The following KIRREL1 variants were observed in gnomAD, a reference collection of about 807,000 sequenced individuals.
KIRREL1 encodes kirre like nephrin family adhesion molecule 1.
In KIRREL1, 25 loss-of-function variants were observed where a neutral mutation model predicts 83.3. The observed-to-expected ratio is 0.30, with a 90% CI of 0.22 to 0.42. The LOEUF is 0.42. Ranked by LOEUF, KIRREL1 falls within the 10% of genes least tolerant of loss-of-function variation. The pLI is 1.00. For missense variants in KIRREL1, 812 were observed against 1,032.3 expected, an observed-to-expected ratio of 0.79 and a Z score of 2.92; for synonymous variants, 388 against 410.4, an observed-to-expected ratio of 0.95 and a Z score of 0.66.
intron 8 of KIRREL1, among the ~76,000 whole-genome samples, chr1:158,089,070 A>T (rs980243294): frequency 6.6e-6 from 1 of 151,952 alleles, no homozygotes; most frequent in African/African-American, 2.4e-5. Context: ...CTGCACAGGG[A>T]GGTGGGGAAG....
At chr1:158,051,086 C>T (rs931986664) in intron 1 of KIRREL1, among the ~76,000 whole-genome samples, 1 of 152,244 alleles carries the variant, frequency 6.6e-6, no homozygotes, top group African/African-American at 2.4e-5. Flanking sequence ...CCTCCTCATA[C>T]TTCAGTGCTG....
intron 1 of KIRREL1, among the ~76,000 whole-genome samples, chr1:158,010,545 T>G (rs1659658695): frequency 6.6e-6 from 1 of 151,360 alleles, no homozygotes; most frequent in Non-Finnish European, 1.5e-5. Context: ...TTGATAAGAG[T>G]TTCTCCCCGA....
chr1:158,050,927 C>T (rs1020445439), intron 1 of KIRREL1, among the ~76,000 whole-genome samples: 14 of 152,238 alleles, frequency 9.2e-5, no homozygotes, highest in African/African-American at 3.4e-4. Flanking sequence ...TCACTATCTA[C>T]ACTTTACCAA....
At chr1:157,999,337 T>C (rs897022623) in intron 1 of KIRREL1, among the ~76,000 whole-genome samples, 3 of 151,962 alleles carry the variant, frequency 2.0e-5, no homozygotes, top group African/African-American at 7.3e-5. Flanking sequence ...ACGTTTAGAG[T>C]CTTTTATCTT....
intron 8 of KIRREL1, among the ~76,000 whole-genome samples, chr1:158,089,284 C>G (rs1662117186): frequency 6.6e-6 from 1 of 152,256 alleles, no homozygotes; most frequent in Non-Finnish European, 1.5e-5. Flanking sequence ...CTGGCCTCCA[C>G]CCCATCCCTG....
chr1:158,055,283 GATTA>G lies in KIRREL1; in HGVS notation c.53-20828_53-20825del, dbSNP rs1661023635. Among the ~76,000 whole-genome samples the G allele has an allele frequency of 5.3e-5, 8 of 152,132 alleles. No individual in the cohort carries two copies. The South Asian group carries it at 1.7e-3, about 32-fold the overall frequency. On this transcript the variant is annotated intron_variant, in intron 1 of 14. Transcript: ENST00000359209. Reference sequence around the variant, plus strand: ...CCTAGAGCCTGACTTTCGCTGTCATGATTAACAGCTGTTTGCATCTTGCCAGCTC... The same window carrying G: ...CCTAGAGCCTGACTTTCGCTGTCATGACAGCTGTTTGCATCTTGCCAGCTC...
intron 4 of KIRREL1, among the ~76,000 whole-genome samples, chr1:158,085,173 C>A (rs1381239675): frequency 1.3e-5 from 2 of 152,156 alleles, no homozygotes; most frequent in Non-Finnish European, 2.9e-5. Context: ...AGTGACTTGC[C>A]CAGGATTACA....
chr1:158,041,330 TG>T (rs966673996), intron 1 of KIRREL1, among the ~76,000 whole-genome samples: 3 of 152,206 alleles, frequency 2.0e-5, no homozygotes, highest in Non-Finnish European at 2.9e-5. Flanking sequence ...AAGGTGGTCC[TG>T]GTCTTGAAGT....
intron 1 of KIRREL1, among the ~76,000 whole-genome samples, chr1:158,067,925 G>A (rs1310386580): frequency 1.3e-5 from 2 of 152,196 alleles, no homozygotes; most frequent in Non-Finnish European, 2.9e-5. Flanking sequence ...ATGGTCACTT[G>A]TAAAATCCCA....
intron 1 of KIRREL1, among the ~76,000 whole-genome samples, chr1:158,021,307 A>C (rs955747757): frequency 1.3e-5 from 2 of 152,220 alleles, no homozygotes. Context: ...ATTCTCCACC[A>C]AAAAAGCAGA....
chr1:158,081,931 G>T (rs1437755568), intron 3 of KIRREL1, among the ~76,000 whole-genome samples: 2 of 152,170 alleles, frequency 1.3e-5, no homozygotes, highest in Non-Finnish European at 2.9e-5. Flanking sequence ...TCTGCTCGGG[G>T]CTCTGCCCAT....
At chr1:158,019,870 C>T (rs917026887) in intron 1 of KIRREL1, among the ~76,000 whole-genome samples, 4 of 152,072 alleles carry the variant, frequency 2.6e-5, no homozygotes, top group African/African-American at 9.7e-5. Context: ...GCATAACACC[C>T]CCGACCCCGG....
intron 1 of KIRREL1, among the ~76,000 whole-genome samples, chr1:158,063,565 A>G (rs1474454424): frequency 1.3e-5 from 2 of 152,318 alleles, no homozygotes; most frequent in Non-Finnish European, 2.9e-5. Context: ...TGAGCAGGCA[A>G]CTTCCCATTT....
chr1:158,003,125 C>G (rs868055931), intron 1 of KIRREL1, among the ~76,000 whole-genome samples: 1 of 152,140 alleles, frequency 6.6e-6, no homozygotes, highest in Non-Finnish European at 1.5e-5. Flanking sequence ...CTCCCAGGAA[C>G]AGCCCGGGGC....
chr1:158,041,524 G>A (rs527784591), intron 1 of KIRREL1, among the ~76,000 whole-genome samples: 14 of 152,296 alleles, frequency 9.2e-5, no homozygotes, highest in African/African-American at 3.4e-4. Context: ...TGTCTAAGGA[G>A]AAAGGAAAAC....
At chr1:158,048,316 A>G (rs1660826947) in intron 1 of KIRREL1, among the ~76,000 whole-genome samples, 1 of 152,208 alleles carries the variant, frequency 6.6e-6, no homozygotes, top group Non-Finnish European at 1.5e-5. Flanking sequence ...TTTACAATTG[A>G]GGAAACTGAG....
At chr1:158,089,315 G>A in intron 8 of KIRREL1, 187 bp from the exon 9 acceptor site, 2 of 765,766 alleles carry the variant, frequency 2.6e-6, no homozygotes, top group Non-Finnish European at 4.2e-6. Context: ...CAGAGATGGT[G>A]TGTTTACGTG....
chr1:158,027,108 C>A (rs1199253373), intron 1 of KIRREL1, among the ~76,000 whole-genome samples: 1 of 152,214 alleles, frequency 6.6e-6, no homozygotes, highest in Admixed American at 6.5e-5. Flanking sequence ...GCAAGCCCCG[C>A]ATTGTTTTAC....
rs1313538280 is a variant in KIRREL1 at position 158,086,646 on chromosome 1, T to C, written c.561T>C (p.Ile187=). The change falls in exon 5 of 15, where the codon ATT becomes ATC. Residue 187 remains isoleucine, a synonymous_variant. Coordinates refer to ENST00000359209, the MANE Select transcript of KIRREL1 (RefSeq NM_018240.7). ...KRETTVSQLL[I]NPTDLDIGRV... ...AGACCACCGTGAGCCAACTGCTTATTAACCCCACGGACCTGGACATAGGGC... is the reference window on the plus strand; with the variant it reads ...AGACCACCGTGAGCCAACTGCTTATCAACCCCACGGACCTGGACATAGGGC... 1.4e-5 allele frequency: 22 copies of C among 1,551,896 alleles called. No individual in the cohort carries two copies. Among genetic ancestry groups the C allele is most frequent in the Non-Finnish European group, 1.8e-5 (21 of 1,147,080 alleles).
Sources: gnomAD v4.1 joint callset for allele counts (sites outside exome capture counted in the v4.1 genomes callset) on GRCh38, gnomAD v4.1.1 for gene constraint, MANE v1.5 for transcripts, NCBI Gene and HGNC (gene_info 2026-07-23, HGNC 2026-07-21) for gene names.